UGT8: variants seen among roughly 807,000 people sequenced by gnomAD.
UGT8 encodes UDP glycosyltransferase 8, also known as 2-hydroxyacylsphingosine 1-beta-galactosyltransferase.
A neutral mutation model predicts 40.5 loss-of-function variants in UGT8; 12 were observed. The observed-to-expected ratio is 0.30, with a 90% CI of 0.19 to 0.48. UGT8 has a LOEUF of 0.48. UGT8 is among the 20% of genes least tolerant of loss of function. UGT8 has a pLI of 0.99. For missense variants in UGT8, 513 were observed against 648.7 expected (o/e 0.79, Z 2.27); for synonymous variants, 224 against 240.4 (o/e 0.93, Z 0.63).
chr4:114,616,676 C>T (rs758602732), intron 1 of UGT8, among the ~76,000 whole-genome samples: 30 of 152,116 alleles, frequency 2.0e-4, no homozygotes, highest in African/African-American at 5.1e-4. Context: ...AGAAATCACC[C>T]GTCTTCTGCG....
intron 5 of UGT8, among the ~76,000 whole-genome samples, chr4:114,671,205 G>A (rs1735250167): frequency 1.3e-5 from 2 of 152,114 alleles, no homozygotes; most frequent in Admixed American, 6.5e-5. Context: ...TAGGAAAAAT[G>A]AATATTGTGA....
intron 5 of UGT8, among the ~76,000 whole-genome samples, chr4:114,669,607 T>A (rs1473559988): frequency 2.0e-5 from 3 of 152,140 alleles, no homozygotes. Context: ...CCAGCTGTGT[T>A]TTGCGAGGCA....
chr4:114,673,777 C>G (rs1049309984), intron 5 of UGT8, among the ~76,000 whole-genome samples: 1 of 152,038 alleles, frequency 6.6e-6, no homozygotes, highest in Admixed American at 6.6e-5. Flanking sequence ...CTCCTTTGCC[C>G]CATAAGCATT....
At chr4:114,629,663 G>T (rs889048315) in intron 2 of UGT8, among the ~76,000 whole-genome samples, 5 of 152,122 alleles carry the variant, frequency 3.3e-5, no homozygotes, top group African/African-American at 1.2e-4. Context: ...AACTATCAAT[G>T]ACTTAACTGT....
In UGT8 at chr4:114,670,630, A is replaced by C. The variant is rs181949429; in HGVS notation, c.1262+2326A>C. ...AATTCAGTATCCCTTCATGTAAAAAACTCTTAATAAACTAGGTATTGATGG... is the reference window on the plus strand; with the variant it reads ...AATTCAGTATCCCTTCATGTAAAAACCTCTTAATAAACTAGGTATTGATGG... On this transcript the variant is annotated intron_variant, in intron 5 of 5. Transcript: ENST00000310836. Among the ~76,000 whole-genome samples the C allele has an allele frequency of 3.8e-3, 582 of 151,966 alleles. 4 individuals carry two copies. The highest frequency in any genetic ancestry group is 0.014 in the African/African-American group (563 of 41,420).
At chr4:114,643,307 G>T (rs971968926) in intron 2 of UGT8, among the ~76,000 whole-genome samples, 1 of 152,076 alleles carries the variant, frequency 6.6e-6, no homozygotes, top group Non-Finnish European at 1.5e-5. Flanking sequence ...GAATGATAGT[G>T]CACCTAAATA....
intron 1 of UGT8, among the ~76,000 whole-genome samples, chr4:114,621,483 A>G (rs575712360): frequency 7.6e-4 from 116 of 152,332 alleles, no homozygotes; most frequent in Non-Finnish European, 1.3e-3. Context: ...CAGAATTACC[A>G]AACTACCATT....
chr4:114,663,944 T>C, intron 2 of UGT8, 51 bp from the exon 3 acceptor site: 4 of 1,597,030 alleles, frequency 2.5e-6, no homozygotes, highest in Non-Finnish European at 3.4e-6. Context: ...TAACACCAAT[T>C]ATAAACTACA....
chr4:114,650,399 T>C lies in UGT8; in HGVS notation c.823-13596T>C, dbSNP rs532046377. Among the ~76,000 whole-genome samples the C allele has an allele frequency of 9.2e-5, 14 of 152,272 alleles. 1 individual carries two copies. In the South Asian group the frequency reaches 2.9e-3, roughly 32 times the overall value. On this transcript the variant is annotated intron_variant, in intron 2 of 5. Transcript: ENST00000310836. ...CAGAACTTGGTGATGACTTGAGCAGTAGGATATAAATAACTCCCACATGCA... is the reference window on the plus strand; with the variant it reads ...CAGAACTTGGTGATGACTTGAGCAGCAGGATATAAATAACTCCCACATGCA...
chr4:114,619,889 C>T (rs1490908329), intron 1 of UGT8, among the ~76,000 whole-genome samples: 1 of 151,588 alleles, frequency 6.6e-6, no homozygotes. Flanking sequence ...GATATGTCTG[C>T]ATATTTTATT....
Position 114,623,066 on chromosome 4 carries a change from C to T in UGT8, c.186C>T (p.Ile62=), listed in dbSNP as rs143201929. 322 of 1,614,104 alleles carry T rather than the reference C, an allele frequency of 2.0e-4. No individual in the cohort carries two copies. The highest frequency in any genetic ancestry group is 3.6e-4 in the African/African-American group (27 of 75,026). ...TVFLLSEGRD[I]APSNHYSLQR... is the part of the protein sequence containing the mutation. ...TCCTCCTCTCTGAAGGCAGAGACAT[C>T]GCCCCATCTAATCATTACAGCCTCC... is the stretch of plus-strand genomic sequence containing the variant. The change falls in exon 2 of 6, where the codon ATC becomes ATT. Residue 62 remains isoleucine, a synonymous_variant. Coordinates refer to ENST00000310836, the MANE Select transcript of UGT8 (RefSeq NM_001128174.3).
intron 1 of UGT8, among the ~76,000 whole-genome samples, chr4:114,620,712 A>G (rs1021703978): frequency 3.3e-5 from 5 of 152,198 alleles, no homozygotes; most frequent in South Asian, 2.1e-4. Context: ...TAGGAGAGGA[A>G]AAAAGCATCT....
chr4:114,640,296 C>T (rs928556646), intron 2 of UGT8, among the ~76,000 whole-genome samples: 20 of 152,204 alleles, frequency 1.3e-4, no homozygotes, highest in Non-Finnish European at 2.5e-4. Context: ...TCCCAAAGTG[C>T]TGGGATTACA....
intron 5 of UGT8, among the ~76,000 whole-genome samples, chr4:114,673,904 A>G (rs1323260564): frequency 1.3e-5 from 2 of 152,148 alleles, no homozygotes; most frequent in African/African-American, 2.4e-5. Flanking sequence ...AGGTTTTTGT[A>G]CTTTTAATAC....
chr4:114,670,347 C>T (rs759061427), intron 5 of UGT8, among the ~76,000 whole-genome samples: 4 of 135,388 alleles, frequency 3.0e-5, no homozygotes, highest in Admixed American at 2.7e-4. Context: ...AGGAGAATGG[C>T]GTGAACCTGG....
chr4:114,634,144 T>TA (rs1004296913), intron 2 of UGT8, among the ~76,000 whole-genome samples: 18 of 152,252 alleles, frequency 1.2e-4, no homozygotes, highest in African/African-American at 4.3e-4. Context: ...TGGGCGGTTC[T>TA]AAAAAACCCA....
chr4:114,651,271 AC>A (rs1434072135), intron 2 of UGT8, among the ~76,000 whole-genome samples: 1 of 152,126 alleles, frequency 6.6e-6, no homozygotes, highest in Non-Finnish European at 1.5e-5. Flanking sequence ...AATAAAGTAC[AC>A]CAAGAAAATA....
intron 2 of UGT8, among the ~76,000 whole-genome samples, chr4:114,627,255 C>CTTT (rs199675716): frequency 3.9e-5 from 5 of 126,778 alleles, no homozygotes; most frequent in African/African-American, 8.9e-5. Flanking sequence ...TGAATAGATT[C>CTTT]TTTTTTTTTT....
chr4:114,677,392 C>A lies in UGT8; in HGVS notation c.*1104C>A, dbSNP rs774538180. The A allele has an allele frequency of 6.6e-6, 1 of 152,082 alleles. No homozygotes were observed. The highest frequency in any genetic ancestry group is 1.5e-5 in the Non-Finnish European group (1 of 68,024). The allele number at this position is 152,082 out of a possible 1,614,324, so 9.4% of individuals were successfully genotyped here. On this transcript the variant is annotated 3_prime_UTR_variant, in exon 6 of 6. Transcript: ENST00000310836. ...CATTTGCAGTTTTCCATATTGGTAC[C>A]TGCTTTTTCTGGAGAGGTTTGAGAT...
Sources: allele counts gnomAD v4.1 joint callset (sites outside exome capture counted in the v4.1 genomes callset), GRCh38; gene constraint gnomAD v4.1.1; transcripts MANE v1.5; gene names NCBI Gene and HGNC (gene_info 2026-07-23, HGNC 2026-07-21).